Variants in USH2A observed in about 807,000 individuals in gnomAD.
USH2A encodes Usher syndrome 2A (autosomal recessive, mild).
Under a neutral mutation model 538.9 loss-of-function variants are expected in USH2A, and 443 were observed. That is an observed-to-expected ratio of 0.82 (90% CI 0.76 to 0.89). The LOEUF (loss-of-function observed/expected upper bound fraction) is 0.89, where lower values mean the gene tolerates loss of function less well. Ranked by LOEUF, USH2A falls within the 40% of genes least tolerant of loss-of-function variation. The probability of loss-of-function intolerance (pLI) is 0.00; values close to 1 mark genes in which losing one functional copy is unlikely to be tolerated. For missense variants in USH2A, 6,633 were observed against 6,324.8 expected (o/e 1.05, Z -1.65); for synonymous variants, 2,413 against 2,273.5 (o/e 1.06, Z -1.75).
At chr1:216,409,296 G>A (rs1040312843) in intron 3 of USH2A, among the ~76,000 whole-genome samples, 2 of 152,058 alleles carry the variant, frequency 1.3e-5, no homozygotes, top group African/African-American at 4.8e-5. Context: ...TCGTTAAAAT[G>A]GCCATATTGC....
At chr1:216,061,752 C>T (rs899669354) in intron 30 of USH2A, among the ~76,000 whole-genome samples, 3 of 152,128 alleles carry the variant, frequency 2.0e-5, no homozygotes, top group African/African-American at 2.4e-5. Flanking sequence ...TTTATAAATA[C>T]CTAAAACGAG....
intron 30 of USH2A, among the ~76,000 whole-genome samples, chr1:216,069,674 C>T (rs2031493507): frequency 6.6e-6 from 1 of 152,174 alleles, no homozygotes; most frequent in South Asian, 2.1e-4. Flanking sequence ...GGCTCTAAGA[C>T]TCCTCCACCT....
chr1:216,223,525 C>A (rs1441187859), intron 14 of USH2A, among the ~76,000 whole-genome samples: 1 of 152,154 alleles, frequency 6.6e-6, no homozygotes, highest in Non-Finnish European at 1.5e-5. Flanking sequence ...CTTGCTTTGG[C>A]CAGTAGAATA....
intron 25 of USH2A, among the ~76,000 whole-genome samples, chr1:216,084,214 G>T (rs771216670): frequency 6.6e-6 from 1 of 151,630 alleles, no homozygotes; most frequent in Non-Finnish European, 1.5e-5. Context: ...TTGAGCAATG[G>T]CAGGGATGGT....
chr1:215,711,878 T>C (rs1292753122), intron 61 of USH2A, among the ~76,000 whole-genome samples: 1 of 152,214 alleles, frequency 6.6e-6, no homozygotes, highest in Admixed American at 6.5e-5. Context: ...TTCTTGACTG[T>C]CTGTGGGGCT....
At chr1:216,197,248 A>G (rs1404726363) in intron 18 of USH2A, among the ~76,000 whole-genome samples, 1 of 152,170 alleles carries the variant, frequency 6.6e-6, no homozygotes, top group Non-Finnish European at 1.5e-5. Context: ...TGAAATGTTC[A>G]GGTTACATAC....
chr1:215,633,052 C>T (rs1656360104), intron 70 of USH2A, among the ~76,000 whole-genome samples: 1 of 152,118 alleles, frequency 6.6e-6, no homozygotes, highest in South Asian at 2.1e-4. Context: ...ACAAACATAT[C>T]TGACTTAGTG....
intron 32 of USH2A, among the ~76,000 whole-genome samples, chr1:216,011,256 C>G (rs549651852): frequency 6.6e-6 from 1 of 152,212 alleles, no homozygotes; most frequent in Admixed American, 6.5e-5. Context: ...CTCAAATATG[C>G]TTTCTTTACT....
At chr1:215,629,450 C>T (rs1199624816) in intron 70 of USH2A, among the ~76,000 whole-genome samples, 1 of 152,126 alleles carries the variant, frequency 6.6e-6, no homozygotes, top group Admixed American at 6.6e-5. Context: ...GAACACTCCT[C>T]CCCCAGAACA....
At chr1:215,782,671 T>C in intron 53 of USH2A, 67 bp downstream of exon 53, 1 of 1,519,710 alleles carries the variant, frequency 6.6e-7, no homozygotes, top group South Asian at 1.1e-5. Flanking sequence ...ATGTAGATTG[T>C]ACTCATTTCA....
chr1:215,810,834 T>TC (rs1662649738), intron 49 of USH2A, among the ~76,000 whole-genome samples: 1 of 152,342 alleles, frequency 6.6e-6, no homozygotes, highest in South Asian at 2.1e-4. Context: ...TATATATTTT[T>TC]ACTTTTTCTT....
rs1367117304 is a variant in USH2A, at chr1:216,039,916, A to G, written c.6325+6515T>C. ...CAAATAAGACCAAAAAAAAAGTTTT[A>G]GCACTTTTAGTTGGTTAGACATAAA... On this transcript the variant is annotated intron_variant, in intron 32 of 71. Coordinates refer to ENST00000307340, the MANE Select transcript of USH2A (RefSeq NM_206933.4). Among the ~76,000 whole-genome samples, 3 of 151,982 alleles carry G rather than the reference A, an allele frequency of 2.0e-5. No homozygotes were observed. In the East Asian group the frequency reaches 5.8e-4, roughly 29 times the overall value.
intron 38 of USH2A, among the ~76,000 whole-genome samples, chr1:215,928,505 A>C (rs1666291929): frequency 6.6e-6 from 1 of 152,130 alleles, no homozygotes; most frequent in African/African-American, 2.4e-5. Flanking sequence ...ACAATCTAAA[A>C]ACCAATCACT....
At chr1:215,992,833 G>A (rs1668033819) in intron 35 of USH2A, among the ~76,000 whole-genome samples, 187 bp downstream of exon 35, 1 of 152,084 alleles carries the variant, frequency 6.6e-6, no homozygotes, top group Non-Finnish European at 1.5e-5. Flanking sequence ...GCACTTTTGA[G>A]CCACCAAAAT....
intron 19 of USH2A, among the ~76,000 whole-genome samples, chr1:216,195,459 A>G (rs1187230192): frequency 6.6e-6 from 1 of 152,024 alleles, no homozygotes; most frequent in Non-Finnish European, 1.5e-5. Context: ...TTGCTCTAAA[A>G]CCCTTGTCAG....
intron 16 of USH2A, among the ~76,000 whole-genome samples, chr1:216,206,538 C>T (rs1265426735): frequency 2.0e-5 from 3 of 152,140 alleles, no homozygotes; most frequent in Admixed American, 6.5e-5. Context: ...GCAGTAATGT[C>T]GCCGGCCTGC....
At chr1:216,152,432 T>G (rs113970747) in intron 21 of USH2A, among the ~76,000 whole-genome samples, 13 of 21,576 alleles carry the variant, frequency 6.0e-4, no homozygotes, top group East Asian at 8.7e-3. Flanking sequence ...GGCTCAAAAA[T>G]CACCCCCACT....
intron 9 of USH2A, among the ~76,000 whole-genome samples, chr1:216,318,725 A>G (rs1005773710): frequency 6.8e-6 from 1 of 146,896 alleles, no homozygotes; most frequent in Non-Finnish European, 1.5e-5. Context: ...TTCAAAAGGT[A>G]CTTAAGGTCT....
chr1:216,351,857 A>G (rs2038294232), intron 4 of USH2A, among the ~76,000 whole-genome samples: 1 of 152,110 alleles, frequency 6.6e-6, no homozygotes, highest in South Asian at 2.1e-4. Context: ...AAAATGTTGA[A>G]CATGAGATAA....
Sources: allele counts gnomAD v4.1 joint callset (sites outside exome capture counted in the v4.1 genomes callset), GRCh38; gene constraint gnomAD v4.1.1; transcripts MANE v1.5; gene names NCBI Gene and HGNC (gene_info 2026-07-23, HGNC 2026-07-21).